Variants in PTPRM observed in about 807,000 individuals in gnomAD.
PTPRM encodes receptor-type tyrosine-protein phosphatase mu.
In PTPRM, 47 loss-of-function variants were observed where a neutral mutation model predicts 186.7. That is an observed-to-expected ratio of 0.25 (90% CI 0.20 to 0.32). The LOEUF (loss-of-function observed/expected upper bound fraction) is 0.32. Among genes scored for constraint, PTPRM ranks in the 10% least tolerant of loss-of-function variants. The pLI is 1.00. For synonymous variants in PTPRM, 668 were observed against 674.9 expected, an observed-to-expected ratio of 0.99 and a Z score of 0.16; for missense variants, 1,494 against 1,865.0, an observed-to-expected ratio of 0.80 and a Z score of 3.66.
intron 2 of PTPRM, among the ~76,000 whole-genome samples, chr18:7,840,548 G>T (rs1331640665): frequency 6.6e-6 from 1 of 152,116 alleles, no homozygotes; most frequent in Non-Finnish European, 1.5e-5. Flanking sequence ...TAGCATTCTG[G>T]CAGGGTCTGT....
At position 8,381,360 on chromosome 18, in the gene PTPRM, T is replaced by TA. The variant is rs60672111; in HGVS notation, c.3918+952dup. On this transcript the variant is annotated intron_variant, in intron 29 of 32. Coordinates refer to ENST00000580170, the MANE Select transcript of PTPRM (RefSeq NM_001105244.2). ...TCCAGTAGACACAAATTCTTTTTCT[T>TA]AAAAAAAAAAAAAAAAAAAGTCTGA... is the stretch of plus-strand genomic sequence containing the variant. Among the ~76,000 whole-genome samples, 375 of 138,010 alleles carry TA rather than the reference T, an allele frequency of 2.7e-3. 1 individual carries two copies. The highest frequency in any genetic ancestry group is 6.8e-3 in the African/African-American group (255 of 37,532). 90.5% of individuals were successfully genotyped at this position (138,010 alleles called of 152,430 possible). A position where few individuals can be genotyped will look rare whatever the true frequency, so the allele number is the denominator to read the frequency against.
At chr18:7,857,681 G>A (rs934966579) in intron 2 of PTPRM, among the ~76,000 whole-genome samples, 15 of 152,088 alleles carry the variant, frequency 9.9e-5, no homozygotes, top group Non-Finnish European at 1.8e-4. Flanking sequence ...TGCATCCAGG[G>A]ACTCAGTCAG....
At chr18:8,368,300 T>C (rs777839285) in intron 23 of PTPRM, among the ~76,000 whole-genome samples, 2 of 151,872 alleles carry the variant, frequency 1.3e-5, no homozygotes, top group Non-Finnish European at 2.9e-5. Context: ...TCCACAAATA[T>C]ACATGATCTG....
intron 1 of PTPRM, among the ~76,000 whole-genome samples, chr18:7,734,111 G>A (rs2040718702): frequency 6.6e-6 from 1 of 152,168 alleles, no homozygotes; most frequent in South Asian, 2.1e-4. Flanking sequence ...GCACACATCA[G>A]CTTTGCATTA....
intron 14 of PTPRM, among the ~76,000 whole-genome samples, chr18:8,191,314 G>A (rs2093706519): frequency 6.6e-6 from 1 of 151,066 alleles, no homozygotes; most frequent in Admixed American, 6.6e-5. Flanking sequence ...CACGTCTGAG[G>A]GGCCTAGGGA....
Position 8,245,030 on chromosome 18 carries a change from C to T in PTPRM, c.2452+821C>T, listed in dbSNP as rs1307838912. Among the ~76,000 whole-genome samples the T allele has an allele frequency of 2.6e-5, 4 of 152,232 alleles. 1 individual carries two copies. The Middle Eastern group carries it at 0.01, about 388-fold the overall frequency. ...GCTATTCCTGTTACAAAAAAATAAT[C>T]GTAGTATTTTAAAGGCCGGTGGGCC... On this transcript the variant is annotated intron_variant, in intron 15 of 32. Transcript: ENST00000580170.
intron 15 of PTPRM, among the ~76,000 whole-genome samples, chr18:8,247,464 CA>C (rs1295020446): frequency 6.6e-6 from 1 of 152,166 alleles, no homozygotes; most frequent in Non-Finnish European, 1.5e-5. Context: ...GAATCGTCTC[CA>C]AAAGCCATGT....
intron 1 of PTPRM, among the ~76,000 whole-genome samples, chr18:7,718,307 G>C (rs191621987): frequency 6.6e-6 from 1 of 152,112 alleles, no homozygotes; most frequent in Non-Finnish European, 1.5e-5. Context: ...TACATAAAGT[G>C]GGGGAAGGAC....
intron 7 of PTPRM, among the ~76,000 whole-genome samples, chr18:8,063,158 T>G (rs1375791517): frequency 6.6e-6 from 1 of 151,356 alleles, no homozygotes; most frequent in African/African-American, 2.4e-5. Context: ...TATAGTCTCG[T>G]GGTGCGCCGT....
chr18:7,965,323 T>G (rs9304007), intron 7 of PTPRM, among the ~76,000 whole-genome samples: 55,128 of 151,974 alleles, frequency 0.36, 11,274 homozygotes, highest in African/African-American at 0.56. Flanking sequence ...TAGGATTACA[T>G]GCATGTGCCA....
chr18:7,957,756 T>A (rs77623790), intron 7 of PTPRM, among the ~76,000 whole-genome samples: 1,876 of 152,302 alleles, frequency 0.012, 28 homozygotes, highest in African/African-American at 0.043. Flanking sequence ...GTAATATCAG[T>A]AATCACTGAT....
chr18:7,681,706 C>T (rs2039485295), intron 1 of PTPRM, among the ~76,000 whole-genome samples: 1 of 152,312 alleles, frequency 6.6e-6, no homozygotes, highest in East Asian at 1.9e-4. Flanking sequence ...AGCCACGTTG[C>T]TCACTCAATT....
intron 2 of PTPRM, among the ~76,000 whole-genome samples, chr18:7,854,827 G>T (rs2047020298): frequency 6.6e-6 from 1 of 151,204 alleles, no homozygotes; most frequent in Non-Finnish European, 1.5e-5. Flanking sequence ...TATATAAAGG[G>T]TATGGAAGAG....
chr18:8,016,585 A>G (rs905396896), intron 7 of PTPRM, among the ~76,000 whole-genome samples: 2 of 152,056 alleles, frequency 1.3e-5, no homozygotes, highest in African/African-American at 2.4e-5. Context: ...AATATTTGAG[A>G]GTCCTCAAAG....
intron 24 of PTPRM, among the ~76,000 whole-genome samples, chr18:8,375,120 G>T (rs764010624): frequency 1.3e-5 from 2 of 152,152 alleles, no homozygotes; most frequent in African/African-American, 2.4e-5. Flanking sequence ...AAAATTGACA[G>T]GTATAAATTA....
intron 11 of PTPRM, among the ~76,000 whole-genome samples, chr18:8,101,168 G>A (rs1479671053): frequency 6.6e-6 from 1 of 152,164 alleles, no homozygotes; most frequent in Non-Finnish European, 1.5e-5. Flanking sequence ...CATAAAGAAT[G>A]CAACCATAGC....
At chr18:7,970,667 A>C (rs962249135) in intron 7 of PTPRM, among the ~76,000 whole-genome samples, 6 of 89,994 alleles carry the variant, frequency 6.7e-5, no homozygotes, top group African/African-American at 1.1e-4. Flanking sequence ...CACCAACAAC[A>C]GACAAACAGA....
intron 23 of PTPRM, among the ~76,000 whole-genome samples, chr18:8,352,096 T>C (rs551011026): frequency 6.6e-6 from 1 of 152,310 alleles, no homozygotes; most frequent in African/African-American, 2.4e-5. Context: ...ACACTAATAA[T>C]CCAAAGATAG....
intron 13 of PTPRM, among the ~76,000 whole-genome samples, chr18:8,118,555 T>C (rs1014970404): frequency 6.6e-6 from 1 of 152,102 alleles, no homozygotes; most frequent in Non-Finnish European, 1.5e-5. Context: ...ATCCCAGCAC[T>C]TTGGGAGGCT....
Sources: gnomAD v4.1 joint callset for allele counts (sites outside exome capture counted in the v4.1 genomes callset) on GRCh38, gnomAD v4.1.1 for gene constraint, MANE v1.5 for transcripts, NCBI Gene and HGNC (gene_info 2026-07-23, HGNC 2026-07-21) for gene names.